The following ZC3H8 variants were observed in gnomAD, a reference collection of about 807,000 sequenced individuals.
ZC3H8 encodes zinc finger CCCH domain-containing protein 8.
A neutral mutation model predicts 42.5 loss-of-function variants in ZC3H8; 27 were observed. That is an observed-to-expected ratio of 0.64 (90% CI 0.47 to 0.88). ZC3H8 has a LOEUF of 0.88. Ranked by LOEUF, ZC3H8 falls within the 40% of genes least tolerant of loss-of-function variation. The probability of loss-of-function intolerance (pLI) is 0.00; values close to 1 mark genes in which losing one functional copy is unlikely to be tolerated. For synonymous variants in ZC3H8, 101 were observed against 110.1 expected, an observed-to-expected ratio of 0.92 and a Z score of 0.52; for missense variants, 277 against 336.1, an observed-to-expected ratio of 0.82 and a Z score of 1.37.
At chr2:112,242,293 T>C (rs1167038676) in intron 2 of ZC3H8, among the ~76,000 whole-genome samples, 1 of 152,214 alleles carries the variant, frequency 6.6e-6, no homozygotes. Context: ...CAAAAGAATA[T>C]TTCATGACAC....
intron 8 of ZC3H8, among the ~76,000 whole-genome samples, chr2:112,218,189 G>C (rs1186162260): frequency 6.6e-6 from 1 of 152,070 alleles, no homozygotes; most frequent in Non-Finnish European, 1.5e-5. Context: ...CATTCTCTAG[G>C]CATAATATTG....
chr2:112,219,334 AG>A (rs1684483975), intron 8 of ZC3H8, among the ~76,000 whole-genome samples: 1 of 152,206 alleles, frequency 6.6e-6, no homozygotes, highest in Non-Finnish European at 1.5e-5. Context: ...CAATGAAGGA[AG>A]GACGGTCTTT....
chr2:112,221,864 T>C (rs565114468), intron 8 of ZC3H8, among the ~76,000 whole-genome samples: 2 of 152,290 alleles, frequency 1.3e-5, no homozygotes, highest in South Asian at 4.1e-4. Context: ...ATTTGTAACA[T>C]TTCAGCCATT....
intron 2 of ZC3H8, among the ~76,000 whole-genome samples, chr2:112,245,444 A>G (rs1311313632): frequency 2.0e-5 from 3 of 152,204 alleles, no homozygotes; most frequent in Non-Finnish European, 4.4e-5. Context: ...ACTTGAGGCC[A>G]GGGGTTCAAG....
chr2:112,235,287 T>C lies in ZC3H8; in HGVS notation c.505-1051A>G, dbSNP rs1685271413. Among the ~76,000 whole-genome samples, 9 of 152,370 alleles carry C rather than the reference T, an allele frequency of 5.9e-5. No homozygotes were observed. In the South Asian group the frequency reaches 1.9e-3, roughly 32 times the overall value. The stretch of plus-strand genomic sequence containing the variant: ...TTATAAATATCTGCCAGTTTAAATC[T>C]TGTTTTATTTGGTAACATTATTAAA... On this transcript the variant is annotated intron_variant, in intron 4 of 8. Transcript: ENST00000409573.
At chr2:112,254,633 A>G (rs1345448313) in intron 1 of ZC3H8, among the ~76,000 whole-genome samples, 2 of 152,192 alleles carry the variant, frequency 1.3e-5, no homozygotes, top group Non-Finnish European at 2.9e-5. Flanking sequence ...CGCATCCCGG[A>G]GCCTTCTCGC....
rs767061080 is a variant in ZC3H8, at chr2:112,254,868, T to G, written c.74+40A>C. The G allele has an allele frequency of 3.5e-5, 56 of 1,602,944 alleles. No homozygotes were observed. The Middle Eastern group carries it at 1.2e-3, about 36-fold the overall frequency. On this transcript the variant is annotated intron_variant, in intron 1 of 8. Coordinates refer to ENST00000409573, the MANE Select transcript of ZC3H8 (RefSeq NM_032494.3). ...AAGAAACTAAGAGGCGGAGTCCCGC[T>G]GAGCCCCTGCATTCAAAAGATGAAA... is the stretch of plus-strand genomic sequence containing the variant.
intron 2 of ZC3H8, among the ~76,000 whole-genome samples, chr2:112,248,747 TTGAACTGCACCCTCCCAAAATTCTTATAA>T (rs1384206497): frequency 1.7e-4 from 26 of 152,276 alleles, no homozygotes; most frequent in African/African-American, 6.3e-4. Context: ...TTGTTATGGG[TTGAACTGCACCCTCCCAAAATTCTTATAA>T]TGAACTACTA....
intron 2 of ZC3H8, among the ~76,000 whole-genome samples, chr2:112,242,275 A>G (rs1425842930): frequency 3.3e-5 from 5 of 152,126 alleles, no homozygotes; most frequent in Non-Finnish European, 5.9e-5. Flanking sequence ...GGTTGAAACA[A>G]AAGAAATCAA....
At chr2:112,244,238 ATAG>A (rs1441517668) in intron 2 of ZC3H8, among the ~76,000 whole-genome samples, 1 of 152,176 alleles carries the variant, frequency 6.6e-6, no homozygotes, top group East Asian at 1.9e-4. Flanking sequence ...GTAACACTGG[ATAG>A]TAGAAGACAA....
chr2:112,227,635 G>A (rs1182715926), intron 8 of ZC3H8, among the ~76,000 whole-genome samples: 1 of 152,080 alleles, frequency 6.6e-6, no homozygotes, highest in Non-Finnish European at 1.5e-5. Flanking sequence ...CGAAGTCTTG[G>A]GAAACAAGAT....
In ZC3H8 at chr2:112,215,641, T is replaced by TAATA; in HGVS notation, c.*839_*842dup. 1 of 152,336 alleles carries TAATA rather than the reference T, an allele frequency of 6.6e-6. No homozygotes were observed. Among genetic ancestry groups the TAATA allele is most frequent in the East Asian group, 1.9e-4 (1 of 5,188 alleles). The allele number at this position is 152,336 out of a possible 1,614,324, so 9.4% of individuals were successfully genotyped here. On this transcript the variant is annotated 3_prime_UTR_variant, in exon 9 of 9. Coordinates refer to ENST00000409573, the MANE Select transcript of ZC3H8 (RefSeq NM_032494.3). ...GAGTTTCCATTTCATGGTATTTGTC[T>TAATA]AATAATAACCAATAATCAATATTAC...
At position 112,214,797 on chromosome 2, in the gene ZC3H8, C is replaced by T. The variant is rs1391067620; in HGVS notation, c.*1687G>A. The T allele has an allele frequency of 6.6e-6, 1 of 152,194 alleles. No individual in the cohort carries two copies. Among genetic ancestry groups the T allele is most frequent in the Non-Finnish European group, 1.5e-5 (1 of 68,048 alleles). 9.4% of individuals were successfully genotyped at this position (152,194 alleles called of 1,614,324 possible). ...CCATAACCCAGGTAGGAGAGACCCA[C>T]AGGCTAGCAGCTGCTTTGAGAACAC... On this transcript the variant is annotated 3_prime_UTR_variant, in exon 9 of 9. Coordinates refer to ENST00000409573, the MANE Select transcript of ZC3H8 (RefSeq NM_032494.3).
At chr2:112,224,966 T>C (rs1558919574) in intron 8 of ZC3H8, among the ~76,000 whole-genome samples, 1 of 152,240 alleles carries the variant, frequency 6.6e-6, no homozygotes, top group Non-Finnish European at 1.5e-5. Context: ...AGATCTTCAG[T>C]GTCTCTCGGT....
Position 112,233,281 on chromosome 2 carries a change from C to T in ZC3H8, c.712G>A (p.Glu238Lys), listed in dbSNP as rs1685171212. 7 of 1,589,120 alleles carry T rather than the reference C, an allele frequency of 4.4e-6. No individual in the cohort carries two copies. The South Asian group carries it at 8.0e-5, about 18-fold the overall frequency. ...FYVQGYCTRG[E>K]NCLYLHNEYP... is the part of the protein sequence containing the mutation. ...ATATTATGCAAATACAGACAGTTTT[C>T]ACCTCTGGTACAATATCCTTGTACA... The change falls in exon 6 of 9, where the codon GAA becomes AAA. Residue 238 changes from glutamate to lysine, a missense_variant. Glu to Lys is a moderately conservative substitution (Grantham distance 56, BLOSUM62 1). Transcript: ENST00000409573.
chr2:112,230,305 G>C (rs1685034925), intron 8 of ZC3H8, among the ~76,000 whole-genome samples: 1 of 152,094 alleles, frequency 6.6e-6, no homozygotes, highest in African/African-American at 2.4e-5. Context: ...GAAAAAAACT[G>C]ATATTATATT....
chr2:112,236,278 TA>T (rs892700180), intron 4 of ZC3H8, among the ~76,000 whole-genome samples: 1 of 151,910 alleles, frequency 6.6e-6, no homozygotes, highest in East Asian at 1.9e-4. Context: ...ATAACAATAA[TA>T]AAAAAAATCA....
intron 8 of ZC3H8, among the ~76,000 whole-genome samples, chr2:112,216,683 CAAA>C (rs71385865): frequency 3.3e-5 from 4 of 121,020 alleles, no homozygotes; most frequent in African/African-American, 3.0e-5. Flanking sequence ...AGAACTGAAG[CAAA>C]AAAAAAAAAA....
rs973561600 is a variant in ZC3H8 at position 112,215,397 on chromosome 2, T to G, written c.*1087A>C. The G allele has an allele frequency of 1.3e-5, 2 of 152,240 alleles. No individual in the cohort carries two copies. The highest frequency in any genetic ancestry group is 4.8e-5 in the African/African-American group (2 of 41,452). 9.4% of individuals were successfully genotyped at this position (152,240 alleles called of 1,614,324 possible). A position where few individuals can be genotyped will look rare whatever the true frequency, so the allele number is the denominator to read the frequency against. On this transcript the variant is annotated 3_prime_UTR_variant, in exon 9 of 9. Coordinates refer to ENST00000409573, the MANE Select transcript of ZC3H8 (RefSeq NM_032494.3). The stretch of plus-strand genomic sequence containing the variant: ...GCTTCTAAGGGCCTAGGATTTACCC[T>G]TGTTTCCTGCTTTCTTTCGTCTTGT...
Sources: gnomAD v4.1 joint callset for allele counts (sites outside exome capture counted in the v4.1 genomes callset) on GRCh38, gnomAD v4.1.1 for gene constraint, MANE v1.5 for transcripts, NCBI Gene and HGNC (gene_info 2026-07-23, HGNC 2026-07-21) for gene names.